The following PDE3B variants were observed in gnomAD, a reference collection of about 807,000 sequenced individuals.
PDE3B encodes phosphodiesterase 3B, also known as cGMP-inhibited 3',5'-cyclic phosphodiesterase 3B.
Under a neutral mutation model 116.8 loss-of-function variants are expected in PDE3B, and 66 were observed. That is an observed-to-expected ratio of 0.56 (90% CI 0.46 to 0.69). The LOEUF (loss-of-function observed/expected upper bound fraction) is 0.69. PDE3B is among the 30% of genes least tolerant of loss of function. The pLI, the probability that PDE3B is intolerant of heterozygous loss-of-function variation, is 0.00. For missense variants in PDE3B, 1,384 were observed against 1,368.1 expected (o/e 1.01, Z -0.18); for synonymous variants, 595 against 533.6 (o/e 1.12, Z -1.59).
intron 1 of PDE3B, among the ~76,000 whole-genome samples, chr11:14,713,567 T>C (rs1435915140): frequency 1.3e-5 from 2 of 152,194 alleles, no homozygotes; most frequent in African/African-American, 4.8e-5. Context: ...GCCAGCTTTC[T>C]TGGTTCTTAA....
intron 2 of PDE3B, among the ~76,000 whole-genome samples, chr11:14,785,692 A>G (rs1858166802): frequency 6.6e-6 from 1 of 152,018 alleles, no homozygotes; most frequent in Admixed American, 6.6e-5. Flanking sequence ...CATCGGTGAC[A>G]TATTTCTTCT....
At chr11:14,796,087 C>T (rs1858542667) in intron 4 of PDE3B, among the ~76,000 whole-genome samples, 1 of 152,124 alleles carries the variant, frequency 6.6e-6, no homozygotes, top group African/African-American at 2.4e-5. Context: ...CATGTGTTCT[C>T]ATTGTTCAAC....
intron 1 of PDE3B, among the ~76,000 whole-genome samples, chr11:14,723,395 A>G (rs896979424): frequency 6.6e-6 from 1 of 152,220 alleles, no homozygotes; most frequent in Admixed American, 6.5e-5. Context: ...ACATTAATAC[A>G]ATAAATACAT....
intron 13 of PDE3B, among the ~76,000 whole-genome samples, chr11:14,860,433 A>G (rs980190940): frequency 6.6e-6 from 1 of 152,132 alleles, no homozygotes; most frequent in Admixed American, 6.5e-5. Context: ...TGAAGTTCAA[A>G]AGCTATGATG....
intron 5 of PDE3B, among the ~76,000 whole-genome samples, chr11:14,811,068 G>A (rs1697920637): frequency 1.3e-5 from 2 of 151,998 alleles, no homozygotes; most frequent in African/African-American, 4.8e-5. Flanking sequence ...CTGGATATTA[G>A]CCCTTTGTCA....
intron 1 of PDE3B, among the ~76,000 whole-genome samples, chr11:14,741,247 T>C (rs1208129095): frequency 6.6e-6 from 1 of 152,116 alleles, no homozygotes; most frequent in African/African-American, 2.4e-5. Flanking sequence ...AGTCTCTTTG[T>C]AGGCCTCTAA....
the PDE3B span, among the ~76,000 whole-genome samples, chr11:14,877,264 C>T: frequency 1.3e-5 from 2 of 152,122 alleles, no homozygotes; most frequent in African/African-American, 2.4e-5. Flanking sequence ...TACCCTGTCT[C>T]TAAAGCATGT....
rs373602584 is a variant in PDE3B at position 14,644,784 on chromosome 11, C to G, written c.709C>G (p.Leu237Val). The G allele has an allele frequency of 6.2e-7, 1 of 1,609,662 alleles. No individual in the cohort carries two copies. Among genetic ancestry groups the G allele is most frequent in the Non-Finnish European group, 8.5e-7 (1 of 1,178,228 alleles). Reference sequence around the variant, plus strand: ...CGTCTGGTGGGTCTCCTTCACCAGCCTCGGGTCGCTGCCCTCCGCCCTCAG... The same window carrying G: ...CGTCTGGTGGGTCTCCTTCACCAGCGTCGGGTCGCTGCCCTCCGCCCTCAG... ...SFVWWVSFTS[L>V]GSLPSALRPL... The change falls in exon 1 of 16, where the codon CTC becomes GTC. Residue 237 changes from leucine to valine, a missense_variant. By Grantham distance (32) the Leu-to-Val change is conservative. Transcript: ENST00000282096.
the PDE3B span, chr11:14,880,788 T>G: frequency 6.3e-7 from 1 of 1,593,388 alleles, no homozygotes; most frequent in Non-Finnish European, 8.5e-7. Flanking sequence ...AATATTAAAA[T>G]ATTGTATAAT....
chr11:14,834,822 T>C (rs1346514602), intron 10 of PDE3B, among the ~76,000 whole-genome samples, 160 bp from the exon 11 acceptor site: 1 of 152,234 alleles, frequency 6.6e-6, no homozygotes, highest in East Asian at 1.9e-4. Context: ...TAAAAGATAT[T>C]TTTTTTAATA....
At chr11:14,793,534 A>G (rs894472808) in intron 4 of PDE3B, among the ~76,000 whole-genome samples, 3 of 152,158 alleles carry the variant, frequency 2.0e-5, no homozygotes, top group African/African-American at 4.8e-5. Flanking sequence ...TGCTCAACCT[A>G]TACTTAGAGT....
At chr11:14,712,517 T>C (rs192419015) in intron 1 of PDE3B, among the ~76,000 whole-genome samples, 9 of 125,914 alleles carry the variant, frequency 7.1e-5, no homozygotes, top group Non-Finnish European at 1.4e-4. Context: ...TCCTGTTGCC[T>C]GTGCTGGAGT....
In PDE3B at chr11:14,644,883, A is replaced by T; in HGVS notation, c.808A>T (p.Arg270Trp). The T allele has an allele frequency of 6.2e-7, 1 of 1,613,958 alleles. No homozygotes were observed. Among genetic ancestry groups the T allele is most frequent in the South Asian group, 1.1e-5 (1 of 91,078 alleles). Reference sequence around the variant, plus strand: ...GGGGTTGGATCACTTCTTTCAAATCAGGGAAGCGCCTCTTCATCCTCGACT... The same window carrying T: ...GGGGTTGGATCACTTCTTTCAAATCTGGGAAGCGCCTCTTCATCCTCGACT... ...ALGLDHFFQI[R>W]EAPLHPRLSS... The change falls in exon 1 of 16, where the codon AGG (arginine) becomes TGG (tryptophan). Residue 270 changes from arginine to tryptophan, a missense_variant. Coordinates refer to ENST00000282096, the MANE Select transcript of PDE3B (RefSeq NM_000922.4).
chr11:14,820,514 T>G (rs1165552339), intron 7 of PDE3B, among the ~76,000 whole-genome samples: 1 of 152,194 alleles, frequency 6.6e-6, no homozygotes, highest in Admixed American at 6.5e-5. Context: ...GAGAATGTTC[T>G]AAAATTGGAT....
intron 7 of PDE3B, among the ~76,000 whole-genome samples, chr11:14,829,775 G>A (rs938352897): frequency 4.6e-5 from 7 of 152,020 alleles, no homozygotes; most frequent in Non-Finnish European, 1.0e-4. Context: ...GAAATAATCT[G>A]TACAACAAAC....
chr11:14,659,325 G>A (rs1853815725), intron 1 of PDE3B, among the ~76,000 whole-genome samples: 1 of 152,138 alleles, frequency 6.6e-6, no homozygotes, highest in Non-Finnish European at 1.5e-5. Context: ...ATTCCTAGAT[G>A]TTTCAATGGT....
chr11:14,780,798 C>T (rs1261533114), intron 2 of PDE3B, among the ~76,000 whole-genome samples: 2 of 151,990 alleles, frequency 1.3e-5, no homozygotes, highest in East Asian at 1.9e-4. Flanking sequence ...TAGCAGAAGG[C>T]AAGAAATAAC....
chr11:14,644,828 G>C lies in PDE3B; in HGVS notation c.753G>C (p.Leu251=). ...PSALRPLLSG[L]VGGAGCLLAL... is the part of the protein sequence containing the mutation. ...CCCTCAGGCCGCTGCTCTCCGGCCT[G>C]GTGGGGGGCGCTGGCTGCCTGCTGG... Residue 251 remains leucine (L), a synonymous_variant, in exon 1 of 16, where the codon CTG becomes CTC. Transcript: ENST00000282096. 6.2e-7 allele frequency: 1 copy of C among 1,612,270 alleles called. No individual in the cohort carries two copies. The highest frequency in any genetic ancestry group is 1.1e-5 in the South Asian group (1 of 90,908).
intron 1 of PDE3B, among the ~76,000 whole-genome samples, chr11:14,707,015 A>G (rs1445765536): frequency 1.3e-5 from 2 of 151,920 alleles, no homozygotes; most frequent in Non-Finnish European, 2.9e-5. Flanking sequence ...TGCCTCTGTC[A>G]TGGAACTTAG....
Sources: gnomAD v4.1 joint callset for allele counts (sites outside exome capture counted in the v4.1 genomes callset) on GRCh38, gnomAD v4.1.1 for gene constraint, MANE v1.5 for transcripts, NCBI Gene and HGNC (gene_info 2026-07-23, HGNC 2026-07-21) for gene names.